DLGAP1: variants seen among roughly 807,000 people sequenced by gnomAD.
The protein encoded by DLGAP1 is DLG associated protein 1.
A neutral mutation model predicts 90.8 loss-of-function variants in DLGAP1; 11 were observed. That is an observed-to-expected ratio of 0.12 (90% CI 0.08 to 0.20). DLGAP1 has a LOEUF of 0.20. Ranked by LOEUF, DLGAP1 falls within the 10% of genes least tolerant of loss-of-function variation. The pLI is 1.00. For synonymous variants in DLGAP1, 558 were observed against 540.7 expected, an observed-to-expected ratio of 1.03 and a Z score of -0.44; for missense variants, 1,050 against 1,333.8, an observed-to-expected ratio of 0.79 and a Z score of 3.31.
At position 4,312,936 on chromosome 18, in the gene DLGAP1, C is replaced by T. The variant is rs117165138; in HGVS notation, c.-267+142070G>A. The stretch of plus-strand genomic sequence containing the variant: ...TTTTAGTGTTAGTTGTGCAAACATG[C>T]GTGCCAGGACATGCACACACAAACT... On this transcript the variant is annotated intron_variant, in intron 1 of 12. Transcript: ENST00000315677. 2.0e-4 allele frequency among the ~76,000 whole-genome samples: 30 copies of T among 152,246 alleles called. No homozygotes were observed. The South Asian group carries it at 3.7e-3, about 19-fold the overall frequency.
At chr18:3,609,780 G>A (rs369529751) in intron 7 of DLGAP1, among the ~76,000 whole-genome samples, 5 of 151,620 alleles carry the variant, frequency 3.3e-5, no homozygotes, top group East Asian at 1.9e-4. Flanking sequence ...CTCGGAGGCC[G>A]GGCGCGGTGG....
chr18:4,203,357 C>T (rs2077649003), intron 1 of DLGAP1, among the ~76,000 whole-genome samples: 1 of 151,696 alleles, frequency 6.6e-6, no homozygotes, highest in Non-Finnish European at 1.5e-5. Flanking sequence ...AGAATGCATC[C>T]TTGAAATATT....
intron 1 of DLGAP1, among the ~76,000 whole-genome samples, chr18:4,447,152 G>T (rs940706555): frequency 1.3e-5 from 2 of 152,120 alleles, no homozygotes; most frequent in Non-Finnish European, 1.5e-5. Context: ...TTACCCTACT[G>T]CAATCCCCCT....
chr18:4,323,585 C>T (rs536971261), intron 1 of DLGAP1, among the ~76,000 whole-genome samples: 4 of 152,184 alleles, frequency 2.6e-5, no homozygotes, highest in African/African-American at 9.6e-5. Flanking sequence ...TGGTTCATGG[C>T]ACATACTCTG....
In DLGAP1 at chr18:3,879,871, G is replaced by T; in HGVS notation, c.198C>A (p.Ala66=). The change falls in exon 4 of 13, where the codon GCC becomes GCA. Residue 66 remains alanine, a synonymous_variant. Coordinates refer to ENST00000315677, the MANE Select transcript of DLGAP1 (RefSeq NM_004746.4). The surrounding 1 kb of genome is among the most constrained non-coding windows in gnomAD (Gnocchi z 6.6). ...ECVGPFSDPL[A]SSTFPRRHYT... ...AGTGCCTGCGGGGGAAGGTGCTGCT[G>T]GCCAGCGGGTCGCTGAAGGGGCCCA... The T allele has an allele frequency of 6.2e-7, 1 of 1,610,836 alleles. No homozygotes were observed.
chr18:4,453,448 A>G (rs2083884587), intron 1 of DLGAP1, among the ~76,000 whole-genome samples: 1 of 152,224 alleles, frequency 6.6e-6, no homozygotes, highest in South Asian at 2.1e-4. Flanking sequence ...TATTCAAGGA[A>G]TAAAAAGTAT....
At chr18:3,675,204 G>A (rs1364824147) in intron 7 of DLGAP1, among the ~76,000 whole-genome samples, 2 of 152,094 alleles carry the variant, frequency 1.3e-5, no homozygotes, top group Non-Finnish European at 2.9e-5. Context: ...CCAAGTAGCT[G>A]GGATTACAGA....
intron 1 of DLGAP1, among the ~76,000 whole-genome samples, chr18:4,188,702 A>G (rs375653761): frequency 7.2e-5 from 11 of 152,208 alleles, no homozygotes; most frequent in South Asian, 2.1e-4. Flanking sequence ...CATTTCCTTT[A>G]TCCAGCCAGT....
rs555612305 is a variant in DLGAP1 at position 3,526,704 on chromosome 18, C to T, written c.2479+7490G>A. Among the ~76,000 whole-genome samples the T allele has an allele frequency of 6.6e-6, 1 of 152,318 alleles. No homozygotes were observed. The highest frequency in any genetic ancestry group is 2.4e-5 in the African/African-American group (1 of 41,568). The stretch of plus-strand genomic sequence containing the variant: ...TTGAAACCTGAGCCTATGTTCTTTC[C>T]CCACAGTGGTAGACTGCATTCCTAG... On this transcript the variant is annotated intron_variant, in intron 10 of 12. Transcript: ENST00000315677. This position sits in a 1 kb window ranked among gnomAD's most constrained non-coding sequence, Gnocchi z 4.7.
intron 11 of DLGAP1, among the ~76,000 whole-genome samples, chr18:3,504,045 A>AGCCG (rs2050083218): frequency 1.3e-5 from 2 of 152,284 alleles, no homozygotes; most frequent in African/African-American, 2.4e-5. Flanking sequence ...GCAGTGAGCC[A>AGCCG]AGGTTGTGCC....
At chr18:3,885,399 A>T (rs914472047) in intron 3 of DLGAP1, 1 of 152,214 alleles carries the variant, frequency 6.6e-6, no homozygotes, top group African/African-American at 2.4e-5. Flanking sequence ...TGTGAGAGCC[A>T]TGTCATAAGC....
rs536930177 is a variant in DLGAP1 at position 3,677,553 on chromosome 18, G to A, written c.1591+51582C>T. Among the ~76,000 whole-genome samples the A allele has an allele frequency of 2.6e-5, 4 of 152,324 alleles. No homozygotes were observed. The South Asian group carries it at 8.3e-4, about 32-fold the overall frequency. On this transcript the variant is annotated intron_variant, in intron 7 of 12. Transcript: ENST00000315677. Reference sequence around the variant, plus strand: ...AGCGGCTTTCTAGGAATTTAATCCAGAATTCTCAGCTAAATAGACAGAGAT... The same window carrying A: ...AGCGGCTTTCTAGGAATTTAATCCAAAATTCTCAGCTAAATAGACAGAGAT...
At chr18:4,227,278 T>G (rs1427445417) in intron 1 of DLGAP1, among the ~76,000 whole-genome samples, 1 of 151,950 alleles carries the variant, frequency 6.6e-6, no homozygotes, top group East Asian at 1.9e-4. Context: ...CACCCCACTT[T>G]CAGCCTTGGA....
intron 1 of DLGAP1, among the ~76,000 whole-genome samples, chr18:4,449,361 C>T (rs1219423213): frequency 6.6e-6 from 1 of 152,160 alleles, no homozygotes; most frequent in African/African-American, 2.4e-5. Flanking sequence ...AAATGTAGCA[C>T]TGCGTAGCCC....
intron 7 of DLGAP1, among the ~76,000 whole-genome samples, chr18:3,682,859 C>CTTTT (rs762260717): frequency 2.8e-5 from 4 of 141,296 alleles, no homozygotes; most frequent in Non-Finnish European, 4.7e-5. Flanking sequence ...TTCTTTCTTT[C>CTTTT]TTTTTTTTTT....
intron 9 of DLGAP1, among the ~76,000 whole-genome samples, chr18:3,542,018 T>G (rs2052722094): frequency 6.6e-6 from 1 of 152,208 alleles, no homozygotes; most frequent in Non-Finnish European, 1.5e-5. Context: ...TGACTCAGTC[T>G]GTGCATTCAC....
chr18:3,598,861 G>C, intron 7 of DLGAP1, among the ~76,000 whole-genome samples: 1 of 151,950 alleles, frequency 6.6e-6, no homozygotes, highest in East Asian at 1.9e-4. Context: ...GCAGTGGCAT[G>C]ATCTTGGCTC....
rs538757943 is a variant in DLGAP1 at position 3,731,960 on chromosome 18, C to T, written c.1351-2585G>A. On this transcript the variant is annotated intron_variant, in intron 6 of 12. Transcript: ENST00000315677. ...TTAACTAGTACCCTGAGTTTTATTG[C>T]GTTCACTTTTGTGCATTTCTTTATG... 8.5e-5 allele frequency among the ~76,000 whole-genome samples: 13 copies of T among 152,222 alleles called. No homozygotes were observed. The South Asian group carries it at 1.2e-3, about 15-fold the overall frequency.
At chr18:4,453,807 C>A (rs1246540055) in intron 1 of DLGAP1, among the ~76,000 whole-genome samples, 2 of 152,206 alleles carry the variant, frequency 1.3e-5, no homozygotes, top group Non-Finnish European at 2.9e-5. Flanking sequence ...CATTCACCTC[C>A]CACGACCGGG....
Sources: gnomAD v4.1 joint callset for allele counts (sites outside exome capture counted in the v4.1 genomes callset) on GRCh38, gnomAD v4.1.1 for gene constraint, Gnocchi (gnomAD v3.1) non-coding constraint, MANE v1.5 for transcripts, NCBI Gene and HGNC (gene_info 2026-07-23, HGNC 2026-07-21) for gene names.